Variants in FSHR observed in about 807,000 individuals in gnomAD.
FSHR encodes follicle-stimulating hormone receptor.
Under a neutral mutation model 52.1 loss-of-function variants are expected in FSHR, and 46 were observed. The observed-to-expected ratio is 0.88, with a 90% confidence interval of 0.70 to 1.13. FSHR has a LOEUF of 1.13. FSHR is among the 50% of genes most tolerant of loss of function. FSHR has a pLI of 0.00. For synonymous variants in FSHR, 399 were observed against 309.6 expected (o/e 1.29, Z -3.03); for missense variants, 964 against 834.6 (o/e 1.16, Z -1.91).
Position 48,962,441 on chromosome 2 carries a change from C to G in FSHR, c.*292G>C, listed in dbSNP as rs886650868. On this transcript the variant is annotated 3_prime_UTR_variant, in exon 10 of 10. Coordinates refer to ENST00000406846, the MANE Select transcript of FSHR (RefSeq NM_000145.4). ...TGTCCTGCTTATTTAACAGGGATCA[C>G]TTGAGATATCTGAACAAAAGCACTT... is the stretch of plus-strand genomic sequence containing the variant. The G allele has an allele frequency of 1.8e-5, 7 of 378,538 alleles. No homozygotes were observed. Among genetic ancestry groups the G allele is most frequent in the Non-Finnish European group, 3.5e-5 (7 of 202,096 alleles). 23.4% of individuals were successfully genotyped at this position (378,538 alleles called of 1,614,324 possible).
intron 4 of FSHR, among the ~76,000 whole-genome samples, chr2:49,007,222 A>G (rs1315943050): frequency 6.6e-6 from 1 of 152,082 alleles, no homozygotes. Context: ...CACGAAAAGT[A>G]TAAGAATGAT....
At chr2:49,145,026 T>C (rs1162469279) in intron 1 of FSHR, among the ~76,000 whole-genome samples, 1 of 152,114 alleles carries the variant, frequency 6.6e-6, no homozygotes, top group East Asian at 1.9e-4. Flanking sequence ...GCTCTGGTCT[T>C]TTACTAGATT....
At chr2:49,020,564 T>C (rs1277817775) in intron 2 of FSHR, among the ~76,000 whole-genome samples, 2 of 152,076 alleles carry the variant, frequency 1.3e-5, no homozygotes, top group African/African-American at 2.4e-5. Context: ...CTTGCTGTGG[T>C]ATTTGGTCTC....
intron 2 of FSHR, among the ~76,000 whole-genome samples, chr2:49,044,390 T>C (rs1668584450): frequency 6.6e-6 from 1 of 152,192 alleles, no homozygotes; most frequent in South Asian, 2.1e-4. Context: ...AGGCATAACC[T>C]TGTTCAAGCA....
chr2:49,043,674 C>G (rs893626300), intron 2 of FSHR, among the ~76,000 whole-genome samples: 1 of 152,128 alleles, frequency 6.6e-6, no homozygotes, highest in African/African-American at 2.4e-5. Flanking sequence ...CCAAATGTTC[C>G]GATGAATTCA....
chr2:49,124,764 T>A (rs1228213823), intron 1 of FSHR, among the ~76,000 whole-genome samples: 3 of 152,204 alleles, frequency 2.0e-5, no homozygotes. Flanking sequence ...CTAAATCATC[T>A]TCCTGTTTCT....
chr2:49,100,030 G>C (rs1056597415), intron 1 of FSHR, among the ~76,000 whole-genome samples: 7 of 152,178 alleles, frequency 4.6e-5, no homozygotes, highest in Admixed American at 3.3e-4. Context: ...AATAATAATG[G>C]TAATAGCTCA....
chr2:49,132,188 G>C (rs1399712646), intron 1 of FSHR, among the ~76,000 whole-genome samples: 1 of 152,108 alleles, frequency 6.6e-6, no homozygotes, highest in Non-Finnish European at 1.5e-5. Flanking sequence ...GCTTTGTTTA[G>C]GGTCTCAGTG....
intron 1 of FSHR, among the ~76,000 whole-genome samples, chr2:49,133,143 A>G (rs1333827339): frequency 6.6e-6 from 1 of 152,108 alleles, no homozygotes; most frequent in Non-Finnish European, 1.5e-5. Context: ...TTCCCAAGAT[A>G]AGGAGGACTT....
rs1376693733 is a variant in FSHR at position 48,982,991 on chromosome 2, G to A, written c.594-5C>T. On this transcript the variant is annotated splice_polypyrimidine_tract_variant and splice_region_variant and intron_variant, in intron 7 of 9. Transcript: ENST00000406846. ...TTATTATTATCGCTTAGATTCCTGG[G>A]GATGGGGTTGAGGAAAGAAGAAGGA... 8.1e-6 allele frequency: 13 copies of A among 1,613,520 alleles called. No homozygotes were observed. Among genetic ancestry groups the A allele is most frequent in the Non-Finnish European group, 1.1e-5 (13 of 1,179,458 alleles).
chr2:49,032,472 A>G (rs879133872), intron 2 of FSHR, among the ~76,000 whole-genome samples: 2 of 152,176 alleles, frequency 1.3e-5, no homozygotes, highest in African/African-American at 2.4e-5. Flanking sequence ...TTCTTCATAC[A>G]TATTTGAAAG....
rs140609949 is a variant in FSHR, at chr2:49,150,808, C to G, written c.152+3458G>C. Among the ~76,000 whole-genome samples the G allele has an allele frequency of 8.8e-3, 1,343 of 152,098 alleles. 9 individuals carry two copies. The highest frequency in any genetic ancestry group is 0.013 in the Non-Finnish European group (893 of 67,930). Reference sequence around the variant, plus strand: ...AAACTAGTAATACTTAACCCACTCTCTCAGCTATAGTCTAAATCAGAAGTG... The same window carrying G: ...AAACTAGTAATACTTAACCCACTCTGTCAGCTATAGTCTAAATCAGAAGTG... On this transcript the variant is annotated intron_variant, in intron 1 of 9. Transcript: ENST00000406846.
In FSHR at chr2:48,990,623, G is replaced by A; in HGVS notation, c.389C>T (p.Thr130Ile). 3 of 1,607,698 alleles carry A rather than the reference G, an allele frequency of 1.9e-6. No individual in the cohort carries two copies. The highest frequency in any genetic ancestry group is 1.7e-6 in the Non-Finnish European group (2 of 1,174,262). The stretch of plus-strand genomic sequence containing the variant: ...AACATCTGGAAGGTGCTTAATACCT[G>A]TGTTGGATATTAACCTAGAGAGAAA... ...PNLQYLLISN[T>I]GIKHLPDVHK... The change falls in exon 5 of 10, where the codon ACA becomes ATA. Residue 130 changes from threonine to isoleucine, a missense_variant. Physicochemically the swap from Thr to Ile is moderately conservative, Grantham distance 89. Coordinates refer to ENST00000406846, the MANE Select transcript of FSHR (RefSeq NM_000145.4).
chr2:49,019,553 G>A (rs72827260), intron 3 of FSHR, among the ~76,000 whole-genome samples: 1,750 of 152,284 alleles, frequency 0.011, 19 homozygotes, highest in East Asian at 0.048. Flanking sequence ...ACACACTCTA[G>A]GCCAGTCAGT....
intron 2 of FSHR, among the ~76,000 whole-genome samples, chr2:49,066,365 TGAA>T (rs1377514225): frequency 6.6e-6 from 1 of 151,736 alleles, no homozygotes; most frequent in Non-Finnish European, 1.5e-5. Context: ...AGAACACAAG[TGAA>T]GGAGATAGGT....
chr2:49,128,607 A>G (rs139770897), intron 1 of FSHR, among the ~76,000 whole-genome samples: 1 of 152,210 alleles, frequency 6.6e-6, no homozygotes, highest in African/African-American at 2.4e-5. Context: ...TAACAACACT[A>G]AAGTACCTGT....
At chr2:49,140,212 C>A (rs891719015) in intron 1 of FSHR, among the ~76,000 whole-genome samples, 6 of 152,036 alleles carry the variant, frequency 3.9e-5, no homozygotes, top group African/African-American at 1.2e-4. Flanking sequence ...GGGGTGGATC[C>A]CTCATGAATG....
At chr2:49,104,830 C>G (rs922294456) in intron 1 of FSHR, among the ~76,000 whole-genome samples, 1 of 147,314 alleles carries the variant, frequency 6.8e-6, no homozygotes, top group Non-Finnish European at 1.5e-5. Context: ...CCCAGTGCCC[C>G]CTCTTGGTAT....
intron 3 of FSHR, 151 bp downstream of exon 3, chr2:49,019,935 T>C: frequency 1.3e-6 from 1 of 784,652 alleles, no homozygotes; most frequent in Non-Finnish European, 2.3e-6. Context: ...AGAGACACAT[T>C]ACAGTGCCTT....
Sources: gnomAD v4.1 joint callset for allele counts (sites outside exome capture counted in the v4.1 genomes callset) on GRCh38, gnomAD v4.1.1 for gene constraint, MANE v1.5 for transcripts, NCBI Gene and HGNC (gene_info 2026-07-23, HGNC 2026-07-21) for gene names.